Variants in COLEC12 observed in about 807,000 individuals in gnomAD.
COLEC12 encodes the protein collectin-12.
A neutral mutation model predicts 71.1 loss-of-function variants in COLEC12; 33 were observed. The ratio of observed to expected loss-of-function variants is 0.46; its 90% confidence interval spans 0.35 to 0.62. The LOEUF (loss-of-function observed/expected upper bound fraction) is 0.62, where lower values mean the gene tolerates loss of function less well. COLEC12 is among the 20% of genes least tolerant of loss of function. The pLI, the probability that COLEC12 is intolerant of heterozygous loss-of-function variation, is 0.00. For synonymous variants in COLEC12, 350 were observed against 353.0 expected, an observed-to-expected ratio of 0.99 and a Z score of 0.10; for missense variants, 765 against 916.1, an observed-to-expected ratio of 0.84 and a Z score of 2.13.
intron 2 of COLEC12, among the ~76,000 whole-genome samples, chr18:406,218 T>C (rs1158007369): frequency 6.6e-6 from 1 of 152,052 alleles, no homozygotes; most frequent in African/African-American, 2.4e-5. Flanking sequence ...ACCATAAAAA[T>C]GGGCAACCAG....
At chr18:433,088 AT>A (rs1182459029) in intron 2 of COLEC12, among the ~76,000 whole-genome samples, 9 of 152,190 alleles carry the variant, frequency 5.9e-5, no homozygotes, top group Non-Finnish European at 1.2e-4. Context: ...TCATTTTCAA[AT>A]TTAACATTCA....
chr18:476,041 A>C (rs1917297138), intron 2 of COLEC12, among the ~76,000 whole-genome samples: 1 of 152,242 alleles, frequency 6.6e-6, no homozygotes, highest in Non-Finnish European at 1.5e-5. Flanking sequence ...GGCTTGTTTG[A>C]AGCTATAGCT....
At chr18:322,169 T>TC (rs1913721917) in intron 8 of COLEC12, among the ~76,000 whole-genome samples, 1 of 144,102 alleles carries the variant, frequency 6.9e-6, no homozygotes, top group Non-Finnish European at 1.5e-5. Context: ...TGTGTGTGAA[T>TC]ATCTATTCAT....
intron 2 of COLEC12, among the ~76,000 whole-genome samples, chr18:404,017 G>A (rs986210853): frequency 6.6e-6 from 1 of 152,050 alleles, no homozygotes; most frequent in Non-Finnish European, 1.5e-5. Flanking sequence ...TCTTCTTTAA[G>A]GTAAAATGAA....
chr18:347,351 G>C lies in COLEC12; in HGVS notation c.281-10C>G, dbSNP rs1186794060. On this transcript the variant is annotated splice_polypyrimidine_tract_variant and intron_variant, in intron 4 of 9. Transcript: ENST00000400256. ...TTCCCAGTTTGGTCACCTGGAATAA[G>C]AAATATCTGTGACTTATATTGGTGG... 6.2e-7 allele frequency: 1 copy of C among 1,606,124 alleles called. No homozygotes were observed. Among genetic ancestry groups the C allele is most frequent in the Non-Finnish European group, 8.5e-7 (1 of 1,174,474 alleles).
intron 2 of COLEC12, among the ~76,000 whole-genome samples, chr18:457,209 G>A (rs1177884700): frequency 6.6e-6 from 1 of 152,182 alleles, no homozygotes; most frequent in Non-Finnish European, 1.5e-5. Flanking sequence ...GCCTGACTGG[G>A]ATTATGGACG....
chr18:488,851 C>T (rs59002792), intron 1 of COLEC12, among the ~76,000 whole-genome samples: 3,183 of 149,732 alleles, frequency 0.021, 102 homozygotes, highest in African/African-American at 0.073. Flanking sequence ...CCAGCCTAGG[C>T]GACAGAGCAA....
chr18:395,665 G>C (rs1489504831), intron 2 of COLEC12, among the ~76,000 whole-genome samples: 1 of 152,200 alleles, frequency 6.6e-6, no homozygotes, highest in Non-Finnish European at 1.5e-5. Context: ...ATTGGAACCA[G>C]AGCACGTTTA....
chr18:341,073 G>C (rs1273076385), intron 5 of COLEC12, among the ~76,000 whole-genome samples: 1 of 152,208 alleles, frequency 6.6e-6, no homozygotes, highest in Non-Finnish European at 1.5e-5. Flanking sequence ...ACATTGCACT[G>C]TCCCCTGTCC....
intron 9 of COLEC12, 24 bp downstream of exon 9, chr18:321,638 T>C: frequency 1.9e-6 from 3 of 1,613,982 alleles, no homozygotes; most frequent in Non-Finnish European, 2.5e-6. Flanking sequence ...GGCAGCTCCC[T>C]CTTAAATCCC....
intron 2 of COLEC12, among the ~76,000 whole-genome samples, chr18:479,825 T>C (rs1917378710): frequency 6.6e-6 from 1 of 152,246 alleles, no homozygotes; most frequent in Admixed American, 6.5e-5. Context: ...ACGAACGTGC[T>C]GGCTTAAACA....
chr18:442,790 T>A (rs1347354819), intron 2 of COLEC12, among the ~76,000 whole-genome samples: 1 of 152,144 alleles, frequency 6.6e-6, no homozygotes, highest in Non-Finnish European at 1.5e-5. Context: ...TGAAACCCTG[T>A]CTCTATTAAA....
At chr18:458,397 T>G (rs1301827344) in intron 2 of COLEC12, among the ~76,000 whole-genome samples, 2 of 152,252 alleles carry the variant, frequency 1.3e-5, no homozygotes, top group Non-Finnish European at 2.9e-5. Flanking sequence ...TTTCCCCAGC[T>G]GAGCTTGCTG....
At chr18:463,364 A>G (rs1460326778) in intron 2 of COLEC12, among the ~76,000 whole-genome samples, 1 of 152,250 alleles carries the variant, frequency 6.6e-6, no homozygotes, top group Admixed American at 6.5e-5. Flanking sequence ...AGTGCTTAGC[A>G]TCTGTACCCA....
intron 1 of COLEC12, among the ~76,000 whole-genome samples, chr18:482,276 G>A (rs1016399541): frequency 9.9e-5 from 15 of 151,816 alleles, no homozygotes; most frequent in Non-Finnish European, 4.4e-5. Context: ...ACTACCCTCC[G>A]CTAATTTTTG....
At chr18:340,335 G>A (rs965414149) in intron 5 of COLEC12, among the ~76,000 whole-genome samples, 2 of 152,120 alleles carry the variant, frequency 1.3e-5, no homozygotes. Context: ...CTCCAGAGAT[G>A]CCTGAATATG....
intron 1 of COLEC12, among the ~76,000 whole-genome samples, chr18:499,876 A>ACACC (rs10659490): frequency 0.58 from 88,652 of 151,864 alleles, 27,650 homozygotes; most frequent in African/African-American, 0.81. Context: ...ACCAGTGGGC[A>ACACC]CACCCCAAGG....
intron 2 of COLEC12, among the ~76,000 whole-genome samples, chr18:400,353 G>T (rs1915658102): frequency 6.6e-6 from 1 of 152,138 alleles, no homozygotes; most frequent in African/African-American, 2.4e-5. Context: ...TTAAACATAT[G>T]ACAAAACTTA....
chr18:436,601 G>A (rs573040309), intron 2 of COLEC12, among the ~76,000 whole-genome samples: 248 of 151,218 alleles, frequency 1.6e-3, no homozygotes, highest in African/African-American at 5.7e-3. Context: ...TAGATTTGGT[G>A]TAGATATTAC....
Sources: gnomAD v4.1 joint callset for allele counts (sites outside exome capture counted in the v4.1 genomes callset) on GRCh38, gnomAD v4.1.1 for gene constraint, MANE v1.5 for transcripts, NCBI Gene and HGNC (gene_info 2026-07-23, HGNC 2026-07-21) for gene names.